SESTD1: variants seen among roughly 807,000 people sequenced by gnomAD.
SESTD1 encodes the protein SEC14 domain and spectrin repeat-containing protein 1.
Under a neutral mutation model 101.7 loss-of-function variants are expected in SESTD1, and 43 were observed. The observed-to-expected ratio is 0.42, with a 90% CI of 0.33 to 0.55. SESTD1 has a LOEUF of 0.55. SESTD1 is among the 20% of genes least tolerant of loss of function. SESTD1 has a pLI of 0.07. For synonymous variants in SESTD1, 283 were observed against 286.8 expected (o/e 0.99, Z 0.13); for missense variants, 647 against 815.1 (o/e 0.79, Z 2.51).
rs1444654910 is a variant in SESTD1, at chr2:179,106,845, T to C, written c.*3054A>G. 2 of 152,072 alleles carry C rather than the reference T, an allele frequency of 1.3e-5. No homozygotes were observed. The highest frequency in any genetic ancestry group is 2.9e-5 in the Non-Finnish European group (2 of 68,008). 9.4% of individuals were successfully genotyped at this position (152,072 alleles called of 1,614,324 possible). ...TTTGACCTAAAATGAAGTCATCATT[T>C]TTGCATAACTCTGCTGGGTTAGACA... On this transcript the variant is annotated 3_prime_UTR_variant, in exon 18 of 18. Coordinates refer to ENST00000428443, the MANE Select transcript of SESTD1 (RefSeq NM_178123.5).
chr2:179,197,557 G>C (rs1246500029), intron 1 of SESTD1, among the ~76,000 whole-genome samples: 17 of 152,322 alleles, frequency 1.1e-4, no homozygotes, highest in African/African-American at 2.6e-4. Context: ...GGCAGCCAGA[G>C]AGAAAGGTCG....
rs773046107 is a variant in SESTD1 at position 179,143,803 on chromosome 2, C to A, written c.638G>T (p.Gly213Val). The part of the protein sequence containing the change: ...SVDPETVLQT[G>V]HELLSELQQR... Reference sequence around the variant, plus strand: ...CTGTAATTCGGACAACAATTCATGCCCTTTACAAATAAAAGATACTTGAAA... The same window carrying A: ...CTGTAATTCGGACAACAATTCATGCACTTTACAAATAAAAGATACTTGAAA... Residue 213 changes from glycine to valine, a missense_variant and splice_region_variant, in exon 9 of 18, where the codon GGG becomes GTG. By Grantham distance (109) the Gly-to-Val change is moderately radical (BLOSUM62 -3). This residue lies in a region of SESTD1 where 3 missense variants were observed against 17.4 expected (regional missense o/e 0.17). Transcript: ENST00000428443. The A allele has an allele frequency of 6.2e-7, 1 of 1,611,030 alleles. No individual in the cohort carries two copies. The highest frequency in any genetic ancestry group is 8.5e-7 in the Non-Finnish European group (1 of 1,179,280).
At chr2:179,128,494 G>A (rs918129113) in intron 10 of SESTD1, among the ~76,000 whole-genome samples, 5 of 152,156 alleles carry the variant, frequency 3.3e-5, no homozygotes, top group African/African-American at 1.2e-4. Context: ...ACTTTGGGAG[G>A]TCAAGATGGG....
chr2:179,226,499 T>C (rs73045843), intron 1 of SESTD1, among the ~76,000 whole-genome samples: 3,048 of 152,314 alleles, frequency 0.02, 109 homozygotes, highest in African/African-American at 0.068. Context: ...ATTATACTTT[T>C]TGTTAAGTGA....
At chr2:179,115,747 C>CA (rs1016428437) in intron 15 of SESTD1, among the ~76,000 whole-genome samples, 1 of 151,768 alleles carries the variant, frequency 6.6e-6, no homozygotes. Flanking sequence ...GGCCTTGTCT[C>CA]AAAAAAACAA....
chr2:179,121,668 A>G, intron 13 of SESTD1, 102 bp downstream of exon 13: 1 of 982,260 alleles, frequency 1.0e-6, no homozygotes, highest in Non-Finnish European at 1.4e-6. Context: ...TCTTCTATAT[A>G]ACAGTTAAGA....
At position 179,124,523 on chromosome 2, in the gene SESTD1, T is replaced by C; in HGVS notation, c.1008A>G (p.Gln336=). 1 of 1,614,064 alleles carries C rather than the reference T, an allele frequency of 6.2e-7. No individual in the cohort carries two copies. The highest frequency in any genetic ancestry group is 8.5e-7 in the Non-Finnish European group (1 of 1,179,974). Residue 336 remains glutamine (Q), a synonymous_variant, in exon 11 of 18, where the codon CAA becomes CAG. Coordinates refer to ENST00000428443, the MANE Select transcript of SESTD1 (RefSeq NM_178123.5). ...CGCCAGCATTCAAGAGTGCTGCAAT[T>C]TGCTGATTAAGTTCCACATACACTG... ...WFAVYVELNQ[Q]IAALLNAGDE...
At position 179,206,393 on chromosome 2, in the gene SESTD1, A is replaced by T. The variant is rs2046591563; in HGVS notation, c.-25-14527T>A. On this transcript the variant is annotated intron_variant, in intron 1 of 17. Transcript: ENST00000428443. ...ACACATCCCCACTGGGGAACCCAAA[A>T]ATCCAGATCATGGGAGAAGAATTTA... 3.7e-5 allele frequency among the ~76,000 whole-genome samples: 5 copies of T among 136,498 alleles called. 1 individual carries two copies. The South Asian group carries it at 1.4e-3, about 37-fold the overall frequency. The allele number at this position is 136,498 out of a possible 152,430, so 89.5% of individuals were successfully genotyped here.
chr2:179,194,598 G>A (rs1402002830), intron 1 of SESTD1, among the ~76,000 whole-genome samples: 2 of 152,104 alleles, frequency 1.3e-5, no homozygotes, highest in East Asian at 3.8e-4. Context: ...AAACCCCCAG[G>A]AGTCCGGCCC....
intron 10 of SESTD1, among the ~76,000 whole-genome samples, chr2:179,130,272 T>C (rs764067039): frequency 2.6e-5 from 4 of 152,116 alleles, no homozygotes; most frequent in Admixed American, 1.3e-4. Flanking sequence ...TCAAAAAACG[T>C]AGCTTCCCAG....
rs942207223 is a variant in SESTD1, at chr2:179,109,469, T to A, written c.*430A>T. The A allele has an allele frequency of 8.1e-6, 3 of 369,468 alleles. No individual in the cohort carries two copies. Among genetic ancestry groups the A allele is most frequent in the African/African-American group, 4.2e-5 (2 of 48,058 alleles). 22.9% of individuals were successfully genotyped at this position (369,468 alleles called of 1,614,324 possible). On this transcript the variant is annotated 3_prime_UTR_variant, in exon 18 of 18. Transcript: ENST00000428443. ...ATTCTGAAGAATTACAAAGTAAAAT[T>A]TTGAGGACACCACTGTCTACTAACA... is the stretch of plus-strand genomic sequence containing the variant.
intron 10 of SESTD1, among the ~76,000 whole-genome samples, chr2:179,131,221 A>G (rs1265929825): frequency 6.7e-6 from 1 of 149,190 alleles, no homozygotes; most frequent in African/African-American, 2.6e-5. Flanking sequence ...AAAGAAAGCA[A>G]TATGAGGAAA....
chr2:179,164,705 TGGA>T (rs1447294431), intron 5 of SESTD1, among the ~76,000 whole-genome samples: 1 of 152,060 alleles, frequency 6.6e-6, no homozygotes, highest in Non-Finnish European at 1.5e-5. Flanking sequence ...TGAAAAACAT[TGGA>T]GGAGTGAATA....
At chr2:179,224,369 T>C (rs1455911504) in intron 1 of SESTD1, among the ~76,000 whole-genome samples, 1 of 152,178 alleles carries the variant, frequency 6.6e-6, no homozygotes, top group Non-Finnish European at 1.5e-5. Context: ...CTGCCCAACG[T>C]TATGCAGCAA....
chr2:179,158,507 C>T (rs1051052525), intron 5 of SESTD1, among the ~76,000 whole-genome samples: 1 of 152,118 alleles, frequency 6.6e-6, no homozygotes, highest in African/African-American at 2.4e-5. Flanking sequence ...CTCTTAAAAG[C>T]TCTTTTTCCT....
chr2:179,226,416 G>A (rs557112961), intron 1 of SESTD1, among the ~76,000 whole-genome samples: 1 of 152,328 alleles, frequency 6.6e-6, no homozygotes, highest in South Asian at 2.1e-4. Flanking sequence ...TCCTTGTCTT[G>A]TTAGGCCTTT....
At chr2:179,251,487 G>C (rs183848311) in intron 1 of SESTD1, among the ~76,000 whole-genome samples, 2 of 152,296 alleles carry the variant, frequency 1.3e-5, no homozygotes, top group African/African-American at 4.8e-5. Flanking sequence ...GTCTAATCCA[G>C]ACCTGTCCTT....
intron 10 of SESTD1, among the ~76,000 whole-genome samples, chr2:179,130,539 C>T (rs2044987103): frequency 6.6e-6 from 1 of 151,870 alleles, no homozygotes; most frequent in East Asian, 1.9e-4. Context: ...ATGAAATTTG[C>T]TTTTGAAGTC....
chr2:179,187,053 C>A (rs148234273), intron 2 of SESTD1, among the ~76,000 whole-genome samples: 4 of 152,216 alleles, frequency 2.6e-5, no homozygotes, highest in African/African-American at 9.6e-5. Flanking sequence ...GAAATAAAAT[C>A]TTTTCCATAC....
Sources: allele counts gnomAD v4.1 joint callset (sites outside exome capture counted in the v4.1 genomes callset), GRCh38; gene constraint gnomAD v4.1.1; regional missense constraint gnomAD v4.1.1; transcripts MANE v1.5; gene names NCBI Gene and HGNC (gene_info 2026-07-23, HGNC 2026-07-21).